The following MRPS31 variants were observed in gnomAD, a reference collection of about 807,000 sequenced individuals.
MRPS31 encodes the protein small ribosomal subunit protein mS31.
Under a neutral mutation model 43.1 loss-of-function variants are expected in MRPS31, and 32 were observed. That is an observed-to-expected ratio of 0.74 (90% confidence interval 0.56 to 1.00). The LOEUF is 1.00. Ranked by LOEUF, MRPS31 falls within the 50% of genes least tolerant of loss-of-function variation. MRPS31 has a pLI of 0.00. For synonymous variants in MRPS31, 165 were observed against 161.6 expected (o/e 1.02, Z -0.16); for missense variants, 437 against 466.7 (o/e 0.94, Z 0.59).
rs202154364 is a variant in MRPS31, at chr13:40,749,192, T to G, written c.904A>C (p.Ile302Leu). 1 of 1,602,590 alleles carries G rather than the reference T, an allele frequency of 6.2e-7. No homozygotes were observed. The highest frequency in any genetic ancestry group is 2.3e-5 in the East Asian group (1 of 44,180). The stretch of plus-strand genomic sequence containing the variant: ...AGTTTCCCCTCTTTTGTCCACTGGA[T>G]CAGCTCTTCAAATCCATTCTGAAGG... Reference protein sequence around the residue: ...QPLQNGFEELIQWTKEGKLWE... With the variant: ...QPLQNGFEELLQWTKEGKLWE... Residue 302 changes from isoleucine (I) to leucine (L), a missense_variant, in exon 6 of 7, where the codon ATC (isoleucine) becomes CTC (leucine). Physicochemically the swap from Ile to Leu is conservative, Grantham distance 5. Transcript: ENST00000323563.
intron 2 of MRPS31, among the ~76,000 whole-genome samples, chr13:40,761,553 G>A (rs1352027069): frequency 6.6e-6 from 1 of 152,070 alleles, no homozygotes; most frequent in Non-Finnish European, 1.5e-5. Context: ...AAAATTGTGG[G>A]GGAGCCTCTG....
intron 1 of MRPS31, chr13:40,770,622 T>C (rs1880980347): frequency 3.3e-6 from 1 of 302,168 alleles, no homozygotes; most frequent in Non-Finnish European, 6.4e-6. Context: ...ACTTGGGGTT[T>C]ACAACCAGTA....
intron 6 of MRPS31, among the ~76,000 whole-genome samples, chr13:40,733,075 C>T (rs2137991337): frequency 7.1e-6 from 1 of 140,074 alleles, no homozygotes; most frequent in East Asian, 2.2e-4. Context: ...GCAATCTCAG[C>T]TCACTGCAAC....
intron 5 of MRPS31, among the ~76,000 whole-genome samples, chr13:40,753,090 TAA>T (rs1159784484): frequency 2.0e-5 from 3 of 152,328 alleles, no homozygotes; most frequent in East Asian, 1.9e-4. Flanking sequence ...CCATTTGTAT[TAA>T]GTTTCTTCAT....
chr13:40,764,390 G>C (rs192199579), intron 2 of MRPS31, among the ~76,000 whole-genome samples: 15 of 152,094 alleles, frequency 9.9e-5, no homozygotes, highest in Admixed American at 9.8e-4. Context: ...ATCAGAAATT[G>C]GTTGAATCTG....
chr13:40,758,834 T>C, intron 3 of MRPS31, 114 bp downstream of exon 3: 1 of 994,378 alleles, frequency 1.0e-6, no homozygotes. Flanking sequence ...GTGGTATATT[T>C]TATATACAAA....
intron 6 of MRPS31, among the ~76,000 whole-genome samples, chr13:40,738,531 A>C (rs1386828441): frequency 6.6e-6 from 1 of 151,768 alleles, no homozygotes; most frequent in Non-Finnish European, 1.5e-5. Context: ...TTGATGCAAA[A>C]ATCCTCAATA....
chr13:40,757,625 T>C (rs1880567504), intron 3 of MRPS31, among the ~76,000 whole-genome samples: 1 of 151,694 alleles, frequency 6.6e-6, no homozygotes. Context: ...TTTGTGTTTT[T>C]AGTAGAGACA....
At chr13:40,738,115 A>G (rs1473909623) in intron 6 of MRPS31, among the ~76,000 whole-genome samples, 17 of 152,274 alleles carry the variant, frequency 1.1e-4, no homozygotes, top group East Asian at 3.9e-4. Flanking sequence ...TATCACCACC[A>G]ATCCCACAGA....
At chr13:40,751,119 CACTG>C (rs906427163) in intron 5 of MRPS31, among the ~76,000 whole-genome samples, 1 of 152,092 alleles carries the variant, frequency 6.6e-6, no homozygotes. Context: ...TCTAGCCACA[CACTG>C]ACTGCTAGAT....
intron 6 of MRPS31, among the ~76,000 whole-genome samples, chr13:40,736,266 A>G (rs1285114963): frequency 6.6e-6 from 1 of 152,194 alleles, no homozygotes. Flanking sequence ...AGCCTCCAAG[A>G]AATATGGGAC....
At chr13:40,768,486 T>G (rs1593280546) in intron 1 of MRPS31, among the ~76,000 whole-genome samples, 4 of 151,744 alleles carry the variant, frequency 2.6e-5, no homozygotes. Context: ...CAGGCTGGAG[T>G]GCAGTGGTGT....
intron 5 of MRPS31, among the ~76,000 whole-genome samples, chr13:40,753,095 T>C (rs1566108732): frequency 2.0e-5 from 3 of 152,354 alleles, no homozygotes; most frequent in East Asian, 3.9e-4. Flanking sequence ...TGTATTAAGT[T>C]TCTTCATTTA....
intron 1 of MRPS31, among the ~76,000 whole-genome samples, chr13:40,768,021 T>TA (rs1880899515): frequency 1.3e-5 from 2 of 152,212 alleles, no homozygotes; most frequent in African/African-American, 4.8e-5. Flanking sequence ...CTTCACTAGA[T>TA]ACATTTATGA....
In MRPS31 at chr13:40,758,937, G is replaced by C; in HGVS notation, c.599+11C>G. 6.4e-7 allele frequency: 1 copy of C among 1,560,818 alleles called. No homozygotes were observed. Among genetic ancestry groups the C allele is most frequent in the Non-Finnish European group, 8.6e-7 (1 of 1,157,282 alleles). ...ATAAACATTACTGACTTAAGGGTTT[G>C]ATTCACTCACCTAATTTTAGGTCGC... On this transcript the variant is annotated intron_variant, in intron 3 of 6. Coordinates refer to ENST00000323563, the MANE Select transcript of MRPS31 (RefSeq NM_005830.4).
chr13:40,738,489 A>C (rs1452183627), intron 6 of MRPS31, among the ~76,000 whole-genome samples: 1 of 151,564 alleles, frequency 6.6e-6, no homozygotes, highest in East Asian at 1.9e-4. Context: ...CAACCAAAAA[A>C]GAGAATTTTA....
chr13:40,739,713 T>C (rs972818007), intron 6 of MRPS31, among the ~76,000 whole-genome samples: 39 of 151,216 alleles, frequency 2.6e-4, no homozygotes, highest in Non-Finnish European at 4.6e-4. Context: ...TAATAAACGG[T>C]GCTGGGAAAA....
At chr13:40,736,273 G>A (rs1879903379) in intron 6 of MRPS31, among the ~76,000 whole-genome samples, 1 of 152,120 alleles carries the variant, frequency 6.6e-6, no homozygotes, top group Admixed American at 6.5e-5. Flanking sequence ...AAGAAATATG[G>A]GACTATGTGA....
intron 6 of MRPS31, among the ~76,000 whole-genome samples, chr13:40,732,719 C>G (rs1289393012): frequency 4.6e-5 from 7 of 152,054 alleles, no homozygotes; most frequent in Non-Finnish European, 7.4e-5. Context: ...GCCTGAGTGA[C>G]AGAGTGACAC....
Sources: allele counts gnomAD v4.1 joint callset (sites outside exome capture counted in the v4.1 genomes callset), GRCh38; gene constraint gnomAD v4.1.1; transcripts MANE v1.5; gene names NCBI Gene and HGNC (gene_info 2026-07-23, HGNC 2026-07-21).